PIBF1: variants seen among roughly 807,000 people sequenced by gnomAD.
PIBF1 encodes the protein progesterone-induced-blocking factor 1.
PIBF1 carries 90 observed loss-of-function variants against 112.5 expected under a neutral mutation model. The ratio of observed to expected loss-of-function variants is 0.80; its 90% CI spans 0.67 to 0.95. PIBF1 has a LOEUF of 0.95. Ranked by LOEUF, PIBF1 falls within the 40% of genes least tolerant of loss-of-function variation. The probability of loss-of-function intolerance (pLI) is 0.00; values close to 1 mark genes in which losing one functional copy is unlikely to be tolerated. For synonymous variants in PIBF1, 301 were observed against 288.6 expected (o/e 1.04, Z -0.44); for missense variants, 915 against 852.3 (o/e 1.07, Z -0.92).
At chr13:72,921,041 C>T (rs2041268828) in intron 13 of PIBF1, among the ~76,000 whole-genome samples, 2 of 152,024 alleles carry the variant, frequency 1.3e-5, no homozygotes, top group Non-Finnish European at 1.5e-5. Flanking sequence ...TTTAGGGTAG[C>T]ATTTAATTGG....
At chr13:72,917,389 G>A (rs1025350262) in intron 13 of PIBF1, among the ~76,000 whole-genome samples, 2 of 152,074 alleles carry the variant, frequency 1.3e-5, no homozygotes, top group African/African-American at 2.4e-5. Context: ...TGTAGAATTA[G>A]ATTCGATGAT....
At chr13:73,006,188 G>T (rs1377568719) in intron 17 of PIBF1, among the ~76,000 whole-genome samples, 1 of 151,970 alleles carries the variant, frequency 6.6e-6, no homozygotes, top group Non-Finnish European at 1.5e-5. Context: ...CAAAGTGCTG[G>T]GATTACAGGC....
At chr13:72,906,346 A>G (rs1161318704) in intron 11 of PIBF1, among the ~76,000 whole-genome samples, 3 of 152,176 alleles carry the variant, frequency 2.0e-5, no homozygotes, top group Non-Finnish European at 4.4e-5. Flanking sequence ...CAGTTAATAC[A>G]TGTATTATTC....
intron 14 of PIBF1, among the ~76,000 whole-genome samples, chr13:72,955,708 C>G (rs2042427067): frequency 6.6e-6 from 1 of 152,096 alleles, no homozygotes; most frequent in Non-Finnish European, 1.5e-5. Context: ...AAAGAAGTTG[C>G]AAACACTTGA....
intron 9 of PIBF1, among the ~76,000 whole-genome samples, chr13:72,844,728 T>TACACACACACACACACACACAC (rs1156334355): frequency 9.4e-5 from 5 of 53,242 alleles, no homozygotes; most frequent in East Asian, 8.0e-4. Flanking sequence ...TAATTTTATT[T>TACACACACACACACACACACAC]ACACACACAC....
chr13:72,998,677 A>G (rs575781009), intron 16 of PIBF1, 145 bp from the exon 17 acceptor site: 114 of 583,160 alleles, frequency 2.0e-4, no homozygotes, highest in African/African-American at 1.4e-3. Context: ...ATTCATGTGC[A>G]TGATTCTAAT....
chr13:73,010,778 T>C (rs1225008207), intron 17 of PIBF1, among the ~76,000 whole-genome samples: 1 of 135,104 alleles, frequency 7.4e-6, no homozygotes, highest in East Asian at 2.4e-4. Flanking sequence ...TAACAACAAA[T>C]AAAAAGCTGA....
At chr13:72,855,993 A>T (rs1206179988) in intron 10 of PIBF1, among the ~76,000 whole-genome samples, 2 of 152,184 alleles carry the variant, frequency 1.3e-5, no homozygotes, top group African/African-American at 4.8e-5. Context: ...GGTTTTGTAA[A>T]GTTGGAGAGA....
At chr13:72,864,155 C>T (rs1174034811) in intron 10 of PIBF1, among the ~76,000 whole-genome samples, 2 of 152,150 alleles carry the variant, frequency 1.3e-5, no homozygotes, top group African/African-American at 4.8e-5. Flanking sequence ...ATTAAAGTTA[C>T]AATTACGGAT....
chr13:72,790,418 C>T (rs944781268), intron 2 of PIBF1, among the ~76,000 whole-genome samples: 1 of 102,974 alleles, frequency 9.7e-6, no homozygotes, highest in African/African-American at 3.6e-5. Flanking sequence ...TAGGAGGAGT[C>T]CATCACACAC....
At chr13:72,847,674 T>C (rs2037934969) in intron 9 of PIBF1, among the ~76,000 whole-genome samples, 2 of 152,222 alleles carry the variant, frequency 1.3e-5, no homozygotes, top group Admixed American at 1.3e-4. Flanking sequence ...TCAAAAAGTT[T>C]CTACTCTTAA....
chr13:72,899,682 T>A (rs1196752142), intron 11 of PIBF1, among the ~76,000 whole-genome samples: 1 of 152,140 alleles, frequency 6.6e-6, no homozygotes, highest in African/African-American at 2.4e-5. Flanking sequence ...GCATCCCTGC[T>A]GAGAACTGAA....
At chr13:72,960,303 C>G (rs932284979) in intron 14 of PIBF1, among the ~76,000 whole-genome samples, 2 of 152,064 alleles carry the variant, frequency 1.3e-5, no homozygotes, top group African/African-American at 4.8e-5. Context: ...CCTGGCGACT[C>G]AAGAGGCTGA....
chr13:72,811,810 A>T (rs537291298), intron 5 of PIBF1, among the ~76,000 whole-genome samples: 7 of 152,288 alleles, frequency 4.6e-5, no homozygotes, highest in Admixed American at 4.6e-4. Context: ...AGTTTTTACA[A>T]ATAATACAAA....
rs939389081 is a variant in PIBF1 at position 72,808,636 on chromosome 13, A to G, written c.672+10610A>G. Among the ~76,000 whole-genome samples, 10 of 152,152 alleles carry G rather than the reference A, an allele frequency of 6.6e-5. No individual in the cohort carries two copies. In the East Asian group the frequency reaches 1.5e-3, roughly 23 times the overall value. Reference sequence around the variant, plus strand: ...ATTGGGGCTGCTCAGAGTCTGTCCTACACATATGTTGTTTAGAGGGTAGCC... The same window carrying G: ...ATTGGGGCTGCTCAGAGTCTGTCCTGCACATATGTTGTTTAGAGGGTAGCC... On this transcript the variant is annotated intron_variant, in intron 5 of 17. Coordinates refer to ENST00000326291, the MANE Select transcript of PIBF1 (RefSeq NM_006346.4).
At chr13:72,914,188 C>T (rs1305339442) in intron 12 of PIBF1, among the ~76,000 whole-genome samples, 6 of 151,890 alleles carry the variant, frequency 4.0e-5, no homozygotes, top group Non-Finnish European at 5.9e-5. Context: ...TAATTTTAGC[C>T]GACATGAAGG....
rs565130618 is a variant in PIBF1 at position 72,795,353 on chromosome 13, A to T, written c.354-6A>T. On this transcript the variant is annotated splice_polypyrimidine_tract_variant and splice_region_variant and intron_variant, in intron 3 of 17. Transcript: ENST00000326291. ...AAAGCCTGCCATAAATTCTCTTCTA[A>T]TGTAGCAAATATCAAGAATTAATGA... The T allele has an allele frequency of 2.7e-5, 42 of 1,540,912 alleles. No individual in the cohort carries two copies. In the South Asian group the frequency reaches 4.7e-4, roughly 17 times the overall value.
At chr13:72,900,357 A>C (rs527471630) in intron 11 of PIBF1, among the ~76,000 whole-genome samples, 29 of 152,192 alleles carry the variant, frequency 1.9e-4, no homozygotes, top group Non-Finnish European at 3.4e-4. Flanking sequence ...AAACTATACT[A>C]TAAGGCCATA....
chr13:72,893,007 G>A (rs1313424239), intron 10 of PIBF1, among the ~76,000 whole-genome samples: 1 of 152,080 alleles, frequency 6.6e-6, no homozygotes, highest in African/African-American at 2.4e-5. Flanking sequence ...CTAGCATACT[G>A]ACTAGCTTAA....
Sources: gnomAD v4.1 joint callset for allele counts (sites outside exome capture counted in the v4.1 genomes callset) on GRCh38, gnomAD v4.1.1 for gene constraint, MANE v1.5 for transcripts, NCBI Gene and HGNC (gene_info 2026-07-23, HGNC 2026-07-21) for gene names.